Variants in OPCML observed in about 807,000 individuals in gnomAD.
OPCML encodes the protein opioid binding protein/cell adhesion molecule like, also known as opioid-binding protein/cell adhesion molecule.
OPCML carries 13 observed loss-of-function variants against 37.8 expected under a neutral mutation model. The ratio of observed to expected loss-of-function variants is 0.34; its 90% confidence interval spans 0.22 to 0.55. The LOEUF (loss-of-function observed/expected upper bound fraction) is 0.55. Ranked by LOEUF, OPCML falls within the 20% of genes least tolerant of loss-of-function variation. OPCML has a pLI of 0.91. For synonymous variants in OPCML, 176 were observed against 168.8 expected (o/e 1.04, Z -0.33); for missense variants, 341 against 435.6 (o/e 0.78, Z 1.93).
At chr11:132,764,334 C>A (rs570014727) in intron 2 of OPCML, among the ~76,000 whole-genome samples, 2 of 152,292 alleles carry the variant, frequency 1.3e-5, no homozygotes, top group African/African-American at 2.4e-5. Context: ...CAAGTGCATG[C>A]ACAGCCTGTG....
chr11:133,438,633 G>A (rs945753948), intron 1 of OPCML, among the ~76,000 whole-genome samples: 1 of 152,162 alleles, frequency 6.6e-6, no homozygotes, highest in African/African-American at 2.4e-5. Context: ...TCTGATAGGA[G>A]TGATGAGTAT....
chr11:133,208,378 A>G lies in OPCML; in HGVS notation c.62-265368T>C, dbSNP rs1000007331. ...GAGGGGCAGCTGGGGCATGGTAGAA[A>G]GGGCCATAGGTTAGGATTTTATAAC... On this transcript the variant is annotated intron_variant, in intron 1 of 7. Coordinates refer to ENST00000524381, the MANE Select transcript of OPCML (RefSeq NM_001012393.5). The surrounding 1 kb of genome is among the most constrained non-coding windows in gnomAD (Gnocchi z 8.9). 1.3e-5 allele frequency among the ~76,000 whole-genome samples: 2 copies of G among 152,188 alleles called. No homozygotes were observed. The highest frequency in any genetic ancestry group is 2.4e-5 in the African/African-American group (1 of 41,442).
chr11:133,298,706 C>G (rs1005178781), intron 1 of OPCML: 11 of 152,266 alleles, frequency 7.2e-5, no homozygotes, highest in African/African-American at 2.6e-4. Flanking sequence ...CTGGCCTGCT[C>G]ACCAGCAACA....
intron 2 of OPCML, among the ~76,000 whole-genome samples, chr11:132,700,837 T>C (rs1226259964): frequency 2.0e-5 from 3 of 152,188 alleles, no homozygotes; most frequent in East Asian, 1.9e-4. Context: ...TATTTCCTTA[T>C]TGAAATTCTG....
At chr11:132,447,488 T>C (rs2096058520) in intron 4 of OPCML, among the ~76,000 whole-genome samples, 1 of 152,026 alleles carries the variant, frequency 6.6e-6, no homozygotes, top group African/African-American at 2.4e-5. Flanking sequence ...TTTGTATTTT[T>C]TAGTAGAGAC....
At position 133,345,199 on chromosome 11, in the gene OPCML, AT is replaced by A. The variant is rs575416466; in HGVS notation, c.61+187064del. Among the ~76,000 whole-genome samples the A allele has an allele frequency of 2.4e-3, 360 of 152,312 alleles. 3 individuals are homozygous for A. The highest frequency in any genetic ancestry group is 7.8e-3 in the African/African-American group (323 of 41,562). On this transcript the variant is annotated intron_variant, in intron 1 of 7. Coordinates refer to ENST00000524381, the MANE Select transcript of OPCML (RefSeq NM_001012393.5). ...CCAGGTCTGTTTTAAAGAATTCAGG[AT>A]TTCTTGATACAAAAAAATCTCAGGA...
intron 1 of OPCML, among the ~76,000 whole-genome samples, chr11:133,071,240 C>T (rs149780598): frequency 4.2e-4 from 64 of 152,294 alleles, no homozygotes; most frequent in African/African-American, 1.4e-3. Flanking sequence ...TGCTGTGCTT[C>T]AAGGAAACCA....
chr11:132,877,938 A>G (rs1288410830), intron 2 of OPCML, among the ~76,000 whole-genome samples: 1 of 152,172 alleles, frequency 6.6e-6, no homozygotes, highest in East Asian at 1.9e-4. Context: ...ACATATTGAC[A>G]TTAACTTATT....
At chr11:132,934,331 C>T (rs1054903788) in intron 2 of OPCML, among the ~76,000 whole-genome samples, 1 of 152,116 alleles carries the variant, frequency 6.6e-6, no homozygotes, top group Non-Finnish European at 1.5e-5. Context: ...AATACAGGGA[C>T]TAAGACCCAT....
At chr11:132,736,660 A>T (rs1945270597) in intron 2 of OPCML, among the ~76,000 whole-genome samples, 1 of 152,200 alleles carries the variant, frequency 6.6e-6, no homozygotes, top group South Asian at 2.1e-4. Flanking sequence ...TCATGGGGAC[A>T]TTCAAACAGC....
chr11:133,022,942 C>G (rs1409425435), intron 1 of OPCML, among the ~76,000 whole-genome samples: 1 of 152,194 alleles, frequency 6.6e-6, no homozygotes, highest in African/African-American at 2.4e-5. Context: ...ACAGGGAATG[C>G]TTTTGCTGCT....
At chr11:132,510,671 G>T (rs2096266919) in intron 4 of OPCML, among the ~76,000 whole-genome samples, 1 of 152,020 alleles carries the variant, frequency 6.6e-6, no homozygotes, top group African/African-American at 2.4e-5. Context: ...AATACCTTTT[G>T]CCTCTTGCCA....
At chr11:133,400,254 C>G (rs1220687362) in intron 1 of OPCML, among the ~76,000 whole-genome samples, 3 of 152,328 alleles carry the variant, frequency 2.0e-5, no homozygotes, top group East Asian at 3.9e-4. Context: ...TCAAATGTTA[C>G]AGGTAATCCA....
chr11:133,235,063 C>T (rs1166819627), intron 1 of OPCML, among the ~76,000 whole-genome samples: 2 of 152,084 alleles, frequency 1.3e-5, no homozygotes, highest in South Asian at 2.1e-4. Flanking sequence ...AGCTGTGCAC[C>T]GAGATAAGGG....
At chr11:133,170,652 G>A (rs1950276798) in intron 1 of OPCML, among the ~76,000 whole-genome samples, 1 of 151,310 alleles carries the variant, frequency 6.6e-6, no homozygotes. Context: ...TTAAATGCAT[G>A]AGACATATGT....
chr11:132,615,568 T>G, intron 3 of OPCML, among the ~76,000 whole-genome samples: 1 of 152,298 alleles, frequency 6.6e-6, no homozygotes, highest in East Asian at 1.9e-4. Flanking sequence ...CAACTATCTA[T>G]GTAGCATTTA....
intron 2 of OPCML, among the ~76,000 whole-genome samples, chr11:132,750,093 G>C (rs1290278697): frequency 1.3e-5 from 2 of 152,038 alleles, no homozygotes; most frequent in African/African-American, 4.8e-5. Flanking sequence ...CCAACACTTT[G>C]GCAAGCCGAG....
intron 2 of OPCML, among the ~76,000 whole-genome samples, chr11:132,869,592 G>A (rs941338599): frequency 4.6e-5 from 7 of 152,138 alleles, no homozygotes; most frequent in African/African-American, 1.7e-4. Context: ...AACTTAGTAA[G>A]ATGAGCTCCT....
intron 2 of OPCML, among the ~76,000 whole-genome samples, chr11:132,869,206 T>C (rs1246338966): frequency 6.6e-6 from 1 of 152,136 alleles, no homozygotes; most frequent in Non-Finnish European, 1.5e-5. Context: ...TCAGACTGGA[T>C]TCCTCCTTCC....
Sources: gnomAD v4.1 joint callset for allele counts (sites outside exome capture counted in the v4.1 genomes callset) on GRCh38, gnomAD v4.1.1 for gene constraint, Gnocchi (gnomAD v3.1) non-coding constraint, MANE v1.5 for transcripts, NCBI Gene and HGNC (gene_info 2026-07-23, HGNC 2026-07-21) for gene names.